The following GNAI1 variants were observed in gnomAD, a reference collection of about 807,000 sequenced individuals.
The protein encoded by GNAI1 is G protein subunit alpha i1.
A neutral mutation model predicts 38.9 loss-of-function variants in GNAI1; 11 were observed. That is an observed-to-expected ratio of 0.28 (90% CI 0.18 to 0.47). The LOEUF (loss-of-function observed/expected upper bound fraction) is 0.47, where lower values mean the gene tolerates loss of function less well. Ranked by LOEUF, GNAI1 falls within the 20% of genes least tolerant of loss-of-function variation. The pLI, the probability that GNAI1 is intolerant of heterozygous loss-of-function variation, is 0.99. For synonymous variants in GNAI1, 166 were observed against 145.1 expected, an observed-to-expected ratio of 1.14 and a Z score of -1.04; for missense variants, 317 against 436.9, an observed-to-expected ratio of 0.73 and a Z score of 2.45.
chr7:80,189,147 C>A lies in GNAI1; in HGVS notation c.219C>A (p.Val73=). 6.2e-7 allele frequency: 1 copy of A among 1,606,016 alleles called. No individual in the cohort carries two copies. The highest frequency in any genetic ancestry group is 1.1e-5 in the South Asian group (1 of 90,014). Residue 73 remains valine, a synonymous_variant, in exon 3 of 8, where the codon GTC becomes GTA. Transcript: ENST00000649796. ...EEECKQYKAV[V]YSNTIQSIIA... is the part of the protein sequence containing the mutation. ...AGTGTAAACAATACAAAGCAGTGGT[C>A]TACAGTAACACCATCCAGTCAATTA...
chr7:80,165,299 T>C (rs1787994310), intron 1 of GNAI1, among the ~76,000 whole-genome samples: 1 of 152,194 alleles, frequency 6.6e-6, no homozygotes, highest in Admixed American at 6.5e-5. Flanking sequence ...AAGTCCTTTC[T>C]TGCTCAGTGA....
chr7:80,154,710 A>G (rs1441338217), intron 1 of GNAI1, among the ~76,000 whole-genome samples: 2 of 152,190 alleles, frequency 1.3e-5, no homozygotes, highest in African/African-American at 4.8e-5. Context: ...AATGATGTGC[A>G]CATTGTATAT....
intron 1 of GNAI1, among the ~76,000 whole-genome samples, chr7:80,142,793 A>C (rs1787548969): frequency 1.3e-5 from 2 of 152,232 alleles, no homozygotes; most frequent in Non-Finnish European, 2.9e-5. Context: ...ATTTCTAAAA[A>C]GTAAACTAAT....
chr7:80,183,774 AT>A (rs1788340926), intron 1 of GNAI1, among the ~76,000 whole-genome samples: 1 of 152,208 alleles, frequency 6.6e-6, no homozygotes, highest in Admixed American at 6.5e-5. Flanking sequence ...TATCACATTG[AT>A]AGCGATAAAT....
At chr7:80,192,713 T>G (rs1562838211) in intron 3 of GNAI1, among the ~76,000 whole-genome samples, 1 of 152,308 alleles carries the variant, frequency 6.6e-6, no homozygotes, top group South Asian at 2.1e-4. Flanking sequence ...TTGTTTTTTT[T>G]GAAATGGAGT....
At chr7:80,135,916 A>T in intron 1 of GNAI1, 2 of 985,398 alleles carry the variant, frequency 2.0e-6, no homozygotes, top group Non-Finnish European at 2.4e-6. Flanking sequence ...CTGTGGGGGC[A>T]TGGAAGCCAC....
At chr7:80,163,858 C>T (rs1377917210) in intron 1 of GNAI1, among the ~76,000 whole-genome samples, 1 of 152,024 alleles carries the variant, frequency 6.6e-6, no homozygotes, top group African/African-American at 2.4e-5. Context: ...TTACACTGCT[C>T]TAGGCCTCAG....
At chr7:80,135,846 G>C in intron 1 of GNAI1, 1 of 985,266 alleles carries the variant, frequency 1.0e-6, no homozygotes, top group Non-Finnish European at 1.2e-6. Flanking sequence ...TGGTCAAGGA[G>C]CGCTGATTAC....
At chr7:80,147,075 T>C (rs1455837846) in intron 1 of GNAI1, among the ~76,000 whole-genome samples, 2 of 152,208 alleles carry the variant, frequency 1.3e-5, no homozygotes, top group South Asian at 2.1e-4. Flanking sequence ...TTTTATGATT[T>C]GGCAAGAGTG....
In GNAI1 at chr7:80,185,809, G is replaced by C. The variant is rs184880673; in HGVS notation, c.119-3142G>C. Among the ~76,000 whole-genome samples, 8 of 152,208 alleles carry C rather than the reference G, an allele frequency of 5.3e-5. No individual in the cohort carries two copies. The East Asian group carries it at 1.4e-3, about 26-fold the overall frequency. On this transcript the variant is annotated intron_variant, in intron 1 of 7. Transcript: ENST00000649796. ...TGTATGCTATATGGAGAAAATACCA[G>C]TGTTCAGAATGTTGAAACCCTAACC...
intron 1 of GNAI1, among the ~76,000 whole-genome samples, chr7:80,145,883 G>A (rs1364589230): frequency 2.0e-5 from 3 of 152,044 alleles, no homozygotes; most frequent in Non-Finnish European, 4.4e-5. Flanking sequence ...TTCTTACTTG[G>A]TTTTTCCCAG....
At chr7:80,170,745 A>T (rs547509410) in intron 1 of GNAI1, among the ~76,000 whole-genome samples, 25 of 152,120 alleles carry the variant, frequency 1.6e-4, no homozygotes, top group African/African-American at 6.0e-4. Flanking sequence ...GGGGAAATCT[A>T]CCCCCATGAT....
chr7:80,146,546 G>A (rs1046917530), intron 1 of GNAI1, among the ~76,000 whole-genome samples: 5 of 151,736 alleles, frequency 3.3e-5, no homozygotes, highest in Non-Finnish European at 5.9e-5. Context: ...TTTAGAGCTC[G>A]TTCTTTTTAA....
intron 1 of GNAI1, among the ~76,000 whole-genome samples, chr7:80,158,579 CTAT>C (rs1787859427): frequency 6.6e-6 from 1 of 152,126 alleles, no homozygotes; most frequent in South Asian, 2.1e-4. Context: ...CTTCCTGCTG[CTAT>C]GTGAAGGATG....
chr7:80,135,150 C>A lies in GNAI1; in HGVS notation c.-11C>A, dbSNP rs781257702. On this transcript the variant is annotated 5_prime_UTR_variant, in exon 1 of 8. Transcript: ENST00000649796. ...CGGAGGGAGCGGCGGCAGGCTCTCG[C>A]TTTCGGCACCATGGGCTGCACGCTG... The A allele has an allele frequency of 2.7e-6, 4 of 1,490,418 alleles. No homozygotes were observed. The highest frequency in any genetic ancestry group is 1.4e-5 in the African/African-American group (1 of 69,092). 92.3% of individuals were successfully genotyped at this position (1,490,418 alleles called of 1,614,324 possible).
chr7:80,150,150 C>A (rs117046156), intron 1 of GNAI1, among the ~76,000 whole-genome samples: 1,606 of 152,252 alleles, frequency 0.011, 10 homozygotes, highest in Non-Finnish European at 0.015. Context: ...GTAAAGGTTA[C>A]ATACCTTTGA....
chr7:80,174,096 G>A (rs76050445), intron 1 of GNAI1, among the ~76,000 whole-genome samples: 1,562 of 152,258 alleles, frequency 0.01, 8 homozygotes, highest in Non-Finnish European at 0.015. Flanking sequence ...ATGTATATGA[G>A]TGATGAGATG....
chr7:80,171,400 C>CT (rs1788096199), intron 1 of GNAI1, among the ~76,000 whole-genome samples: 1 of 152,126 alleles, frequency 6.6e-6, no homozygotes, highest in Non-Finnish European at 1.5e-5. Flanking sequence ...TAGACTCACT[C>CT]TTGTCTGGCA....
At chr7:80,215,317 G>GCC (rs1788940970) in intron 7 of GNAI1, among the ~76,000 whole-genome samples, 2 of 152,198 alleles carry the variant, frequency 1.3e-5, no homozygotes, top group Admixed American at 6.5e-5. Flanking sequence ...GGCACTCAAT[G>GCC]TAAGCTGTTT....
Sources: gnomAD v4.1 joint callset for allele counts (sites outside exome capture counted in the v4.1 genomes callset) on GRCh38, gnomAD v4.1.1 for gene constraint, MANE v1.5 for transcripts, NCBI Gene and HGNC (gene_info 2026-07-23, HGNC 2026-07-21) for gene names.